TENM3: variants seen among roughly 807,000 people sequenced by gnomAD.
TENM3 encodes the protein teneurin transmembrane protein 3.
TENM3 carries 63 observed loss-of-function variants against 255.1 expected under a neutral mutation model. That is an observed-to-expected ratio of 0.25 (90% confidence interval 0.20 to 0.30). The LOEUF (loss-of-function observed/expected upper bound fraction) is 0.30, where lower values mean the gene tolerates loss of function less well. Among genes scored for constraint, TENM3 ranks in the 10% least tolerant of loss-of-function variants. The pLI is 1.00. For missense variants in TENM3, 2,929 were observed against 3,461.1 expected (o/e 0.85, Z 3.86); for synonymous variants, 1,306 against 1,322.3 (o/e 0.99, Z 0.27).
chr4:182,678,552 G>A (rs1234877098), intron 7 of TENM3, among the ~76,000 whole-genome samples: 1 of 152,198 alleles, frequency 6.6e-6, no homozygotes, highest in African/African-American at 2.4e-5. Flanking sequence ...TAGGGTGGGA[G>A]GAATGACCCC....
chr4:182,159,879 G>A (rs1055873926), intron 1 of TENM3, among the ~76,000 whole-genome samples: 8 of 152,176 alleles, frequency 5.3e-5, no homozygotes, highest in African/African-American at 1.4e-4. Context: ...GAAAAAGACG[G>A]AAAGATTTTT....
the TENM3 span, among the ~76,000 whole-genome samples, chr4:181,896,725 G>A: frequency 1.3e-5 from 2 of 152,160 alleles, no homozygotes; most frequent in Admixed American, 6.5e-5. Context: ...ACAGCAGTGG[G>A]CTTAGGTGTT....
At chr4:182,072,182 A>G in the TENM3 span, among the ~76,000 whole-genome samples, 1 of 152,212 alleles carries the variant, frequency 6.6e-6, no homozygotes, top group Non-Finnish European at 1.5e-5. Flanking sequence ...CTTTTCAACT[A>G]TCAAGGACTA....
At position 182,743,099 on chromosome 4, in the gene TENM3, C is replaced by T. The variant is rs1416023472; in HGVS notation, c.3380-71C>T. The T allele has an allele frequency of 4.1e-6, 6 of 1,477,210 alleles. No individual in the cohort carries two copies. In the African/African-American group the frequency reaches 5.6e-5, roughly 14 times the overall value. The allele number at this position is 1,477,210 out of a possible 1,614,324, so 91.5% of individuals were successfully genotyped here. On this transcript the variant is annotated intron_variant, in intron 18 of 27. Coordinates refer to ENST00000511685, the MANE Select transcript of TENM3 (RefSeq NM_001080477.4). Reference sequence around the variant, plus strand: ...GGCATTGAATTATAGTTAAAACAATCATGAACATGTTTGCTTTTCATCTTT... The same window carrying T: ...GGCATTGAATTATAGTTAAAACAATTATGAACATGTTTGCTTTTCATCTTT...
chr4:181,485,466 G>A, the TENM3 span, among the ~76,000 whole-genome samples: 2 of 145,364 alleles, frequency 1.4e-5, no homozygotes, highest in African/African-American at 2.7e-5. Context: ...TGTACTAAAG[G>A]TACGGTAGAA....
intron 22 of TENM3, among the ~76,000 whole-genome samples, chr4:182,755,618 C>T (rs1762682042): frequency 6.6e-6 from 1 of 152,016 alleles, no homozygotes; most frequent in Non-Finnish European, 1.5e-5. Flanking sequence ...GCGGGCGGAT[C>T]ACGAGGTCAG....
intron 1 of TENM3, among the ~76,000 whole-genome samples, chr4:182,279,068 G>C (rs1047673292): frequency 6.6e-6 from 1 of 152,104 alleles, no homozygotes; most frequent in Admixed American, 6.5e-5. Context: ...AGGATCTCTC[G>C]CAGCACTGCA....
chr4:182,131,787 C>T, the TENM3 span, among the ~76,000 whole-genome samples: 1 of 152,164 alleles, frequency 6.6e-6, no homozygotes, highest in Non-Finnish European at 1.5e-5. Flanking sequence ...GTTTTGCAAC[C>T]ACACATAAAC....
Position 182,743,208 on chromosome 4 carries a change from T to A in TENM3, c.3418T>A (p.Ser1140Thr), listed in dbSNP as rs763823575. 1 of 1,613,810 alleles carries A rather than the reference T, an allele frequency of 6.2e-7. No homozygotes were observed. The highest frequency in any genetic ancestry group is 1.1e-5 in the South Asian group (1 of 91,080). ...YKGNGENQFI[S>T]QQPPVVSSIM... ...GGGAAACGGGGAAAACCAGTTCATC[T>A]CCCAGCAGCCTCCAGTCGTGAGTAG... Residue 1140 changes from serine to threonine, a missense_variant, in exon 19 of 28, where the codon TCC becomes ACC. Ser to Thr is a moderately conservative substitution (Grantham distance 58, BLOSUM62 1). This residue lies in a region of TENM3 where 1,608 missense variants were observed against 1,884.4 expected (regional missense o/e 0.85). Transcript: ENST00000511685.
the TENM3 span, among the ~76,000 whole-genome samples, chr4:181,951,837 T>A: frequency 7.9e-4 from 121 of 152,340 alleles, no homozygotes; most frequent in African/African-American, 2.9e-3. Flanking sequence ...ACAACAATTA[T>A]GATTTTAGTA....
the TENM3 span, among the ~76,000 whole-genome samples, chr4:181,588,174 G>T: frequency 5.9e-5 from 9 of 152,284 alleles, no homozygotes; most frequent in South Asian, 1.9e-3. Context: ...GCCTCTGCTC[G>T]CAGTCCCGCA....
chr4:182,705,638 A>G (rs1298484280), intron 12 of TENM3, among the ~76,000 whole-genome samples: 1 of 152,176 alleles, frequency 6.6e-6, no homozygotes, highest in East Asian at 1.9e-4. Context: ...TGTTTATGAG[A>G]GTCAGCCTGA....
chr4:182,260,606 C>G (rs913994523), intron 1 of TENM3, among the ~76,000 whole-genome samples: 1 of 152,072 alleles, frequency 6.6e-6, no homozygotes, highest in Non-Finnish European at 1.5e-5. Flanking sequence ...AATTTATCCC[C>G]AATTCTGAAA....
chr4:181,655,231 A>G, the TENM3 span, among the ~76,000 whole-genome samples: 1 of 152,204 alleles, frequency 6.6e-6, no homozygotes, highest in African/African-American at 2.4e-5. Context: ...ATGGTGTCCA[A>G]GGAGCGTGAG....
At chr4:182,784,589 G>A (rs914186394) in intron 24 of TENM3, among the ~76,000 whole-genome samples, 7 of 151,940 alleles carry the variant, frequency 4.6e-5, no homozygotes, top group African/African-American at 9.7e-5. Context: ...CACCCAGTTC[G>A]AGCTCCCCGG....
chr4:182,247,947 T>C (rs912481173), intron 1 of TENM3, among the ~76,000 whole-genome samples: 1 of 152,196 alleles, frequency 6.6e-6, no homozygotes, highest in African/African-American at 2.4e-5. Context: ...AGCCATGAAG[T>C]ACAATAGTGC....
At chr4:182,630,791 G>A (rs1751299308) in intron 5 of TENM3, among the ~76,000 whole-genome samples, 2 of 151,180 alleles carry the variant, frequency 1.3e-5, no homozygotes, top group South Asian at 4.2e-4. Context: ...TTACTAAATG[G>A]GGCACACCAG....
At chr4:182,104,996 G>A in the TENM3 span, among the ~76,000 whole-genome samples, 1 of 152,122 alleles carries the variant, frequency 6.6e-6, no homozygotes, top group East Asian at 1.9e-4. Flanking sequence ...AGAATCACTT[G>A]AGCCCAGTAG....
At chr4:182,161,395 G>A (rs1330943401) in intron 1 of TENM3, among the ~76,000 whole-genome samples, 8 of 91,706 alleles carry the variant, frequency 8.7e-5, no homozygotes, top group East Asian at 5.1e-4. Flanking sequence ...CAGCCTGGGC[G>A]ACAGAGCGAG....
Sources: allele counts gnomAD v4.1 joint callset (sites outside exome capture counted in the v4.1 genomes callset), GRCh38; gene constraint gnomAD v4.1.1; regional missense constraint gnomAD v4.1.1; transcripts MANE v1.5; gene names NCBI Gene and HGNC (gene_info 2026-07-23, HGNC 2026-07-21).